Variants in SLAMF1 observed in about 807,000 individuals in gnomAD.
SLAMF1 encodes the protein signaling lymphocytic activation molecule.
Under a neutral mutation model 35.1 loss-of-function variants are expected in SLAMF1, and 18 were observed. That is an observed-to-expected ratio of 0.51 (90% CI 0.35 to 0.76). The LOEUF is 0.76. Ranked by LOEUF, SLAMF1 falls within the 30% of genes least tolerant of loss-of-function variation. The pLI is 0.01. For missense variants in SLAMF1, 392 were observed against 413.0 expected, an observed-to-expected ratio of 0.95 and a Z score of 0.44; for synonymous variants, 168 against 157.2, an observed-to-expected ratio of 1.07 and a Z score of -0.51.
intron 5 of SLAMF1, among the ~76,000 whole-genome samples, chr1:160,616,057 C>T (rs747154148): frequency 1.3e-5 from 2 of 152,178 alleles, no homozygotes; most frequent in Non-Finnish European, 2.9e-5. Context: ...CCCTAGGAAA[C>T]TAACATATAC....
At chr1:160,629,653 C>G (rs901411928) in intron 3 of SLAMF1, among the ~76,000 whole-genome samples, 5 of 152,164 alleles carry the variant, frequency 3.3e-5, no homozygotes, top group African/African-American at 1.2e-4. Flanking sequence ...TCACTTACAA[C>G]CTGCCTATCC....
At chr1:160,632,616 C>G (rs1432677783) in intron 3 of SLAMF1, among the ~76,000 whole-genome samples, 1 of 152,126 alleles carries the variant, frequency 6.6e-6, no homozygotes, top group African/African-American at 2.4e-5. Context: ...CATTGAGGAG[C>G]ATGAAGAAAG....
chr1:160,642,822 T>C lies in SLAMF1; in HGVS notation c.76+4048A>G, dbSNP rs1480760786. Among the ~76,000 whole-genome samples, 1 of 152,172 alleles carries C rather than the reference T, an allele frequency of 6.6e-6. No homozygotes were observed. The highest frequency in any genetic ancestry group is 1.5e-5 in the Non-Finnish European group (1 of 68,022). Reference sequence around the variant, plus strand: ...CTAGGTTTCAGGTACAACAGACAACTTGCCAAGAACACTTGAAACCCTTTA... The same window carrying C: ...CTAGGTTTCAGGTACAACAGACAACCTGCCAAGAACACTTGAAACCCTTTA... On this transcript the variant is annotated intron_variant, in intron 1 of 6. Coordinates refer to ENST00000302035, the MANE Select transcript of SLAMF1 (RefSeq NM_003037.5). This position sits in a 1 kb window ranked among gnomAD's most constrained non-coding sequence, Gnocchi z 4.2.
intron 3 of SLAMF1, among the ~76,000 whole-genome samples, chr1:160,628,573 C>T (rs1660001225): frequency 6.6e-6 from 1 of 152,186 alleles, no homozygotes; most frequent in South Asian, 2.1e-4. Context: ...TTGCAAATTC[C>T]ATGAAGGTAG....
rs148865729 is a variant in SLAMF1, at chr1:160,642,456, C to A, written c.76+4414G>T. Among the ~76,000 whole-genome samples the A allele has an allele frequency of 2.0e-5, 3 of 152,184 alleles. No homozygotes were observed. The highest frequency in any genetic ancestry group is 4.4e-5 in the Non-Finnish European group (3 of 68,042). On this transcript the variant is annotated intron_variant, in intron 1 of 6. Coordinates refer to ENST00000302035, the MANE Select transcript of SLAMF1 (RefSeq NM_003037.5). The surrounding 1 kb of genome is among the most constrained non-coding windows in gnomAD (Gnocchi z 4.2). Reference sequence around the variant, plus strand: ...ACGCACTCCTTCATATCATTCATCACGTGTTCAACTCTGGTTCAATGCCTG... The same window carrying A: ...ACGCACTCCTTCATATCATTCATCAAGTGTTCAACTCTGGTTCAATGCCTG...
At chr1:160,620,014 G>A (rs1417388256) in intron 4 of SLAMF1, among the ~76,000 whole-genome samples, 165 bp from the exon 5 acceptor site, 5 of 152,136 alleles carry the variant, frequency 3.3e-5, no homozygotes, top group Admixed American at 3.3e-4. Flanking sequence ...ATTGTCTTAG[G>A]TTAGTTACTT....
intron 5 of SLAMF1, among the ~76,000 whole-genome samples, chr1:160,618,161 AT>A (rs201170842): frequency 0.01 from 1,559 of 151,944 alleles, 22 homozygotes; most frequent in African/African-American, 0.036. Context: ...CAATTCTAAT[AT>A]TTTTTTTTCT....
At chr1:160,641,536 G>A (rs1435799975) in intron 1 of SLAMF1, among the ~76,000 whole-genome samples, 1 of 152,000 alleles carries the variant, frequency 6.6e-6, no homozygotes, top group Non-Finnish European at 1.5e-5. Flanking sequence ...AAAGGGAGGG[G>A]TAGATGAGAG....
intron 4 of SLAMF1, chr1:160,623,640 G>T (rs1380962282): frequency 1.5e-5 from 6 of 398,802 alleles, no homozygotes; most frequent in Non-Finnish European, 2.7e-5. Context: ...TTGGAAGAGA[G>T]GACAGGGGAT....
intron 3 of SLAMF1, among the ~76,000 whole-genome samples, chr1:160,630,891 C>A (rs1660128357): frequency 6.6e-6 from 1 of 152,130 alleles, no homozygotes. Flanking sequence ...TGGGTAATTT[C>A]TACTTATTTT....
Position 160,637,333 on chromosome 1 carries a change from A to G in SLAMF1, c.273T>C (p.Tyr91=). The change falls in exon 2 of 7, where the codon TAT becomes TAC. Residue 91 remains tyrosine (Y), a synonymous_variant. Coordinates refer to ENST00000302035, the MANE Select transcript of SLAMF1 (RefSeq NM_003037.5). ...GATAAAACTTGTAGCGATCTCCTAG[A>G]TAACGTGGAGGGCCTGCTTCGGATG... The part of the protein sequence containing the change: ...LDPSEAGPPR[Y]LGDRYKFYLE... 1 of 1,614,090 alleles carries G rather than the reference A, an allele frequency of 6.2e-7. No individual in the cohort carries two copies. Among genetic ancestry groups the G allele is most frequent in the Non-Finnish European group, 8.5e-7 (1 of 1,179,972 alleles).
In SLAMF1 at chr1:160,637,299, G is replaced by C. The variant is rs775104024; in HGVS notation, c.307C>G (p.Leu103Val). 5.0e-6 allele frequency: 8 copies of C among 1,613,796 alleles called. No individual in the cohort carries two copies. Among genetic ancestry groups the C allele is most frequent in the East Asian group, 2.2e-5 (1 of 44,878 alleles). ...GDRYKFYLEN[L>V]TLGIRESRKE... Reference sequence around the variant, plus strand: ...CTGCTTTCCCGTATCCCCAGGGTGAGATTCTCCAGATAAAACTTGTAGCGA... The same window carrying C: ...CTGCTTTCCCGTATCCCCAGGGTGACATTCTCCAGATAAAACTTGTAGCGA... Residue 103 changes from leucine (L) to valine (V), a missense_variant, in exon 2 of 7, where the codon CTC (leucine) becomes GTC (valine). Leu to Val is a conservative substitution (Grantham distance 32, BLOSUM62 1). Coordinates refer to ENST00000302035, the MANE Select transcript of SLAMF1 (RefSeq NM_003037.5).
At chr1:160,640,850 A>G (rs945421044) in intron 1 of SLAMF1, among the ~76,000 whole-genome samples, 1 of 152,200 alleles carries the variant, frequency 6.6e-6, no homozygotes, top group Non-Finnish European at 1.5e-5. Flanking sequence ...AGCTTAAAAC[A>G]GAGTGCTCTC....
intron 5 of SLAMF1, among the ~76,000 whole-genome samples, chr1:160,619,491 C>T (rs1026641566): frequency 3.3e-5 from 5 of 152,208 alleles, no homozygotes; most frequent in African/African-American, 1.2e-4. Context: ...TAACATGGAA[C>T]CTAGACTCCT....
At chr1:160,646,535 C>G (rs532688318) in intron 1 of SLAMF1, among the ~76,000 whole-genome samples, 16 of 152,290 alleles carry the variant, frequency 1.1e-4, no homozygotes, top group African/African-American at 3.9e-4. Context: ...GGGTCTTTGC[C>G]AGAAGATGCC....
chr1:160,642,874 A>G lies in SLAMF1; in HGVS notation c.76+3996T>C, dbSNP rs541225816. ...CTCTGCATTTGTGCCTCCTTCTAGA[A>G]CGCTCCTTCTCAAGTTCCATAAAAA... On this transcript the variant is annotated intron_variant, in intron 1 of 6. Transcript: ENST00000302035. This position sits in a 1 kb window ranked among gnomAD's most constrained non-coding sequence, Gnocchi z 4.2. Among the ~76,000 whole-genome samples the G allele has an allele frequency of 1.3e-5, 2 of 152,260 alleles. No individual in the cohort carries two copies. Among genetic ancestry groups the G allele is most frequent in the South Asian group, 4.1e-4 (2 of 4,828 alleles).
chr1:160,644,908 TA>T lies in SLAMF1; in HGVS notation c.76+1961del, dbSNP rs756550032. On this transcript the variant is annotated intron_variant, in intron 1 of 6. Coordinates refer to ENST00000302035, the MANE Select transcript of SLAMF1 (RefSeq NM_003037.5). ...GGTGCAGAGGAACTGCATGGAGGAATAAAAAAAACTCATTGACATAAGGTCA... is the reference window on the plus strand; with the variant it reads ...GGTGCAGAGGAACTGCATGGAGGAATAAAAAAACTCATTGACATAAGGTCA... Among the ~76,000 whole-genome samples, 6 of 151,904 alleles carry T rather than the reference TA, an allele frequency of 3.9e-5. No homozygotes were observed. In the East Asian group the frequency reaches 5.8e-4, roughly 15 times the overall value.
chr1:160,621,855 C>CGTGTGTGTGTGTGT (rs59676823), intron 4 of SLAMF1, among the ~76,000 whole-genome samples: 1,606 of 145,262 alleles, frequency 0.011, 33 homozygotes, highest in African/African-American at 0.038. Context: ...TGCGTGAGTG[C>CGTGTGTGTGTGTGT]GTGTGTGTGT....
chr1:160,613,827 A>G (rs1659139076), intron 5 of SLAMF1, among the ~76,000 whole-genome samples: 1 of 152,260 alleles, frequency 6.6e-6, no homozygotes, highest in Non-Finnish European at 1.5e-5. Flanking sequence ...TGGGGAAAAT[A>G]TTTTGATTCA....
Sources: allele counts gnomAD v4.1 joint callset (sites outside exome capture counted in the v4.1 genomes callset), GRCh38; gene constraint gnomAD v4.1.1; non-coding constraint Gnocchi (gnomAD v3.1); transcripts MANE v1.5; gene names NCBI Gene and HGNC (gene_info 2026-07-23, HGNC 2026-07-21).